AGMO: variants seen among roughly 807,000 people sequenced by gnomAD.
The protein encoded by AGMO is alkylglycerol monooxygenase, also known as glyceryl-ether monooxygenase.
A neutral mutation model predicts 60.2 loss-of-function variants in AGMO; 75 were observed. The observed-to-expected ratio is 1.25, with a 90% confidence interval of 1.03 to 1.51. AGMO has a LOEUF of 1.51. Among genes scored for constraint, AGMO ranks in the 40% most tolerant of loss-of-function variants. The pLI, the probability that AGMO is intolerant of heterozygous loss-of-function variation, is 0.00. For synonymous variants in AGMO, 261 were observed against 177.1 expected (o/e 1.47, Z -3.76); for missense variants, 763 against 525.5 (o/e 1.45, Z -4.42).
At chr7:15,213,352 TG>T (rs1399239677) in intron 12 of AGMO, among the ~76,000 whole-genome samples, 1 of 151,854 alleles carries the variant, frequency 6.6e-6, no homozygotes, top group Admixed American at 6.6e-5. Context: ...GCAGTTTATT[TG>T]TTCAATGCGA....
At chr7:15,367,798 T>G (rs1210623132) in intron 10 of AGMO, among the ~76,000 whole-genome samples, 1 of 152,050 alleles carries the variant, frequency 6.6e-6, no homozygotes, top group Non-Finnish European at 1.5e-5. Flanking sequence ...TACAACAGAT[T>G]GGCTAAAATA....
the AGMO span, among the ~76,000 whole-genome samples, chr7:15,151,960 T>A: frequency 6.6e-6 from 1 of 152,162 alleles, no homozygotes; most frequent in Non-Finnish European, 1.5e-5. Flanking sequence ...TGCTTCCAAT[T>A]GCATTCTGAA....
chr7:15,395,507 ATT>A (rs1249158003), intron 5 of AGMO, among the ~76,000 whole-genome samples: 9 of 152,160 alleles, frequency 5.9e-5, no homozygotes, highest in African/African-American at 2.2e-4. Context: ...TTATAATAAC[ATT>A]GTCATTTTGT....
intron 12 of AGMO, among the ~76,000 whole-genome samples, chr7:15,318,945 T>C (rs1427456327): frequency 6.6e-6 from 1 of 152,156 alleles, no homozygotes; most frequent in Non-Finnish European, 1.5e-5. Context: ...ATCATTCTTA[T>C]TGGTGATAGT....
At chr7:15,372,279 C>A (rs989388476) in intron 10 of AGMO, among the ~76,000 whole-genome samples, 2 of 151,830 alleles carry the variant, frequency 1.3e-5, no homozygotes, top group Non-Finnish European at 2.9e-5. Context: ...GGTGAAATCC[C>A]GTCTCTACTA....
At chr7:15,425,366 G>A (rs1031925004) in intron 4 of AGMO, among the ~76,000 whole-genome samples, 7 of 151,618 alleles carry the variant, frequency 4.6e-5, no homozygotes, top group African/African-American at 1.7e-4. Flanking sequence ...ATATGATAAT[G>A]TAATAATGTT....
intron 12 of AGMO, among the ~76,000 whole-genome samples, chr7:15,241,913 G>C (rs534454345): frequency 3.9e-5 from 6 of 152,068 alleles, no homozygotes; most frequent in Non-Finnish European, 8.8e-5. Context: ...TTGAGGTTAC[G>C]ACTGAGTTTC....
intron 2 of AGMO, among the ~76,000 whole-genome samples, chr7:15,555,975 A>G (rs1785122301): frequency 6.6e-6 from 1 of 151,974 alleles, no homozygotes; most frequent in Admixed American, 6.6e-5. Context: ...TTAATAATAA[A>G]GTACTATTAT....
intron 10 of AGMO, among the ~76,000 whole-genome samples, chr7:15,372,448 T>A (rs938787410): frequency 4.6e-5 from 7 of 152,036 alleles, no homozygotes; most frequent in African/African-American, 1.4e-4. Context: ...ACAGCGAGAC[T>A]CTGTCTCAAA....
chr7:15,297,689 G>C (rs1162937050), intron 12 of AGMO, among the ~76,000 whole-genome samples: 1 of 152,082 alleles, frequency 6.6e-6, no homozygotes, highest in South Asian at 2.1e-4. Context: ...GGGAAACTTT[G>C]ATCACTACCC....
At chr7:15,513,065 T>C (rs1016370019) in intron 3 of AGMO, among the ~76,000 whole-genome samples, 6 of 152,206 alleles carry the variant, frequency 3.9e-5, no homozygotes, top group Admixed American at 3.3e-4. Flanking sequence ...GTATTACACA[T>C]AGTTGTTTCA....
intron 12 of AGMO, among the ~76,000 whole-genome samples, chr7:15,231,367 C>T (rs1782254532): frequency 6.6e-6 from 1 of 152,198 alleles, no homozygotes; most frequent in Admixed American, 6.5e-5. Flanking sequence ...ACTTCCCCAG[C>T]AGTGAGTCAA....
the AGMO span, among the ~76,000 whole-genome samples, chr7:15,134,904 A>G: frequency 6.6e-6 from 1 of 152,098 alleles, no homozygotes; most frequent in Non-Finnish European, 1.5e-5. Flanking sequence ...CAACAGTGGA[A>G]ACTTTTAGTT....
Position 15,285,975 on chromosome 7 carries a change from A to G in AGMO, c.1263+79539T>C, listed in dbSNP as rs541803863. On this transcript the variant is annotated intron_variant, in intron 12 of 12. Coordinates refer to ENST00000342526, the MANE Select transcript of AGMO (RefSeq NM_001004320.2). ...AGCATTCAAAAATATAAATTGGGGA[A>G]AGGACACCTTATTTAATAAATGTTG... Among the ~76,000 whole-genome samples, 4 of 152,254 alleles carry G rather than the reference A, an allele frequency of 2.6e-5. No individual in the cohort carries two copies. In the South Asian group the frequency reaches 8.3e-4, roughly 32 times the overall value.
intron 3 of AGMO, among the ~76,000 whole-genome samples, chr7:15,485,794 T>C (rs1418099696): frequency 2.6e-5 from 4 of 151,982 alleles, no homozygotes; most frequent in Non-Finnish European, 5.9e-5. Flanking sequence ...AGGATAATTT[T>C]TGTTTACCAA....
chr7:15,409,964 T>C (rs562261480), intron 5 of AGMO, among the ~76,000 whole-genome samples: 1 of 151,478 alleles, frequency 6.6e-6, no homozygotes, highest in Non-Finnish European at 1.5e-5. Context: ...TCCTGAAAAA[T>C]AATGAATACT....
chr7:15,185,041 G>T, the AGMO span, among the ~76,000 whole-genome samples: 2 of 152,074 alleles, frequency 1.3e-5, no homozygotes, highest in Non-Finnish European at 2.9e-5. Flanking sequence ...TGGTGGCACC[G>T]ATAATAAAAT....
At chr7:15,322,545 T>A (rs1247945730) in intron 12 of AGMO, among the ~76,000 whole-genome samples, 14 of 55,308 alleles carry the variant, frequency 2.5e-4, no homozygotes, top group Admixed American at 1.4e-3. Context: ...AATATATATA[T>A]AAATATATAT....
intron 10 of AGMO, among the ~76,000 whole-genome samples, chr7:15,379,640 C>A (rs1562472151): frequency 6.6e-6 from 1 of 152,038 alleles, no homozygotes; most frequent in Non-Finnish European, 1.5e-5. Flanking sequence ...AAGCCCAGCA[C>A]CAGACAGATT....
Sources: allele counts gnomAD v4.1 joint callset (sites outside exome capture counted in the v4.1 genomes callset), GRCh38; gene constraint gnomAD v4.1.1; transcripts MANE v1.5; gene names NCBI Gene and HGNC (gene_info 2026-07-23, HGNC 2026-07-21).